The following SLC24A3 variants were observed in gnomAD, a reference collection of about 807,000 sequenced individuals.
SLC24A3 encodes solute carrier family 24 member 3.
A neutral mutation model predicts 75.8 loss-of-function variants in SLC24A3; 28 were observed. The ratio of observed to expected loss-of-function variants is 0.37; its 90% CI spans 0.27 to 0.51. SLC24A3 has a LOEUF of 0.51. Ranked by LOEUF, SLC24A3 falls within the 20% of genes least tolerant of loss-of-function variation. The probability of loss-of-function intolerance (pLI) is 0.94; values close to 1 mark genes in which losing one functional copy is unlikely to be tolerated. For missense variants in SLC24A3, 663 were observed against 847.8 expected (o/e 0.78, Z 2.71); for synonymous variants, 372 against 334.1 (o/e 1.11, Z -1.24).
chr20:19,636,572 C>T (rs1300086261), intron 6 of SLC24A3, among the ~76,000 whole-genome samples: 2 of 152,170 alleles, frequency 1.3e-5, no homozygotes, highest in Non-Finnish European at 2.9e-5. Flanking sequence ...TTTATTTTGG[C>T]TTTTGAGCCT....
chr20:19,346,077 A>ATGGTG (rs201204507), intron 2 of SLC24A3, among the ~76,000 whole-genome samples: 2 of 60,300 alleles, frequency 3.3e-5, no homozygotes, highest in Admixed American at 2.0e-4. Context: ...ATATATATAT[A>ATGGTG]TATATATATA....
intron 3 of SLC24A3, among the ~76,000 whole-genome samples, chr20:19,542,049 A>T (rs146233380): frequency 7.2e-5 from 11 of 152,292 alleles, no homozygotes; most frequent in Non-Finnish European, 1.6e-4. Flanking sequence ...TATCAAATCA[A>T]ATGAAGGGGG....
In SLC24A3 at chr20:19,705,096, A is replaced by G. The variant is rs577441870; in HGVS notation, c.1719+6416A>G. On this transcript the variant is annotated intron_variant, in intron 15 of 16. Transcript: ENST00000328041. ...CCATCCCTGAGTTTGAATCTTTGCT[A>G]AAAGACAGGGCAGGGTCTGCTTATT... 2.6e-4 allele frequency among the ~76,000 whole-genome samples: 39 copies of G among 152,320 alleles called. No individual in the cohort carries two copies. In the South Asian group the frequency reaches 3.1e-3, roughly 12 times the overall value.
intron 7 of SLC24A3, 67 bp downstream of exon 7, chr20:19,654,203 C>T (rs1236393183): frequency 6.8e-7 from 1 of 1,461,002 alleles, no homozygotes; most frequent in South Asian, 1.2e-5. Context: ...GTGTGAGGCT[C>T]CTCCACATGG....
intron 2 of SLC24A3, among the ~76,000 whole-genome samples, chr20:19,325,244 G>A (rs940604337): frequency 5.9e-5 from 9 of 151,474 alleles, no homozygotes; most frequent in African/African-American, 2.2e-4. Context: ...GAAACATGGT[G>A]AGACCTTGTC....
intron 8 of SLC24A3, among the ~76,000 whole-genome samples, chr20:19,672,431 C>T (rs1156482648): frequency 6.6e-6 from 1 of 152,120 alleles, no homozygotes; most frequent in African/African-American, 2.4e-5. Flanking sequence ...ATCTCCTGAG[C>T]TCAAGCAATC....
At chr20:19,685,028 C>A (rs1024569599) in intron 11 of SLC24A3, 72 bp from the exon 12 acceptor site, 1 of 1,507,576 alleles carries the variant, frequency 6.6e-7, no homozygotes, top group Non-Finnish European at 8.9e-7. Flanking sequence ...AAGATCCCAA[C>A]AGCTCATGTT....
rs142562338 is a variant in SLC24A3 at position 19,279,653 on chromosome 20, C to T, written c.143-1306C>T. 1.2e-4 allele frequency among the ~76,000 whole-genome samples: 18 copies of T among 152,290 alleles called. No individual in the cohort carries two copies. The East Asian group carries it at 3.3e-3, about 28-fold the overall frequency. Reference sequence around the variant, plus strand: ...TTCCATTCCTTCTCCCTGGTGCCCCCTCTTCTCCACCGGGAGACCCCATTC... The same window carrying T: ...TTCCATTCCTTCTCCCTGGTGCCCCTTCTTCTCCACCGGGAGACCCCATTC... On this transcript the variant is annotated intron_variant, in intron 1 of 16. Transcript: ENST00000328041.
At chr20:19,246,020 T>C (rs1483721046) in intron 1 of SLC24A3, among the ~76,000 whole-genome samples, 3 of 152,150 alleles carry the variant, frequency 2.0e-5, no homozygotes, top group Non-Finnish European at 4.4e-5. Context: ...CTCTCAACAA[T>C]ATAGCATAAT....
intron 8 of SLC24A3, among the ~76,000 whole-genome samples, chr20:19,667,816 C>T (rs2032417408): frequency 6.6e-6 from 1 of 152,180 alleles, no homozygotes; most frequent in East Asian, 1.9e-4. Flanking sequence ...TCTATTTCAT[C>T]TTCATTCCTA....
intron 2 of SLC24A3, among the ~76,000 whole-genome samples, chr20:19,318,024 C>G (rs149858390): frequency 6.2e-4 from 94 of 152,300 alleles, no homozygotes; most frequent in Non-Finnish European, 1.2e-3. Flanking sequence ...GCATGGCAGG[C>G]TGGAAATGTC....
intron 3 of SLC24A3, among the ~76,000 whole-genome samples, chr20:19,519,080 C>T (rs898885195): frequency 2.0e-5 from 3 of 152,186 alleles, no homozygotes; most frequent in Non-Finnish European, 4.4e-5. Flanking sequence ...GGGTTCACTG[C>T]TCGTAGTCAT....
intron 6 of SLC24A3, among the ~76,000 whole-genome samples, chr20:19,638,858 C>G (rs917832547): frequency 1.3e-5 from 2 of 152,082 alleles, no homozygotes; most frequent in Non-Finnish European, 2.9e-5. Flanking sequence ...CCAGTGGGCT[C>G]GTGGGCTTGC....
intron 6 of SLC24A3, among the ~76,000 whole-genome samples, chr20:19,618,000 T>A (rs1331670487): frequency 6.6e-6 from 1 of 152,110 alleles, no homozygotes; most frequent in African/African-American, 2.4e-5. Flanking sequence ...TTTTTTGTTT[T>A]TTTTTTCCTT....
At chr20:19,658,905 T>A (rs1228338750) in intron 7 of SLC24A3, among the ~76,000 whole-genome samples, 1 of 152,216 alleles carries the variant, frequency 6.6e-6, no homozygotes, top group Non-Finnish European at 1.5e-5. Context: ...TCCTGTCTTT[T>A]CTCCAAATTC....
At chr20:19,403,789 T>C (rs1338976785) in intron 2 of SLC24A3, among the ~76,000 whole-genome samples, 1 of 152,176 alleles carries the variant, frequency 6.6e-6, no homozygotes, top group Non-Finnish European at 1.5e-5. Context: ...TCAGGAATCA[T>C]AAGAATGCAG....
rs536102107 is a variant in SLC24A3 at position 19,720,938 on chromosome 20, C to T, written c.1786-53C>T. 1,285 of 1,602,836 alleles carry T rather than the reference C, an allele frequency of 8.0e-4. 8 individuals carry two copies. In the Admixed American group the frequency reaches 9.7e-3, roughly 12 times the overall value. On this transcript the variant is annotated intron_variant, in intron 16 of 16. Transcript: ENST00000328041. ...CCCCTGGGTTCCCCTACCAACCCCC[C>T]AAAGGCTGCTGCCTCCTCCTGGTGC...
chr20:19,671,644 T>TG (rs1400798029), intron 8 of SLC24A3, among the ~76,000 whole-genome samples: 1 of 103,446 alleles, frequency 9.7e-6, no homozygotes, highest in Non-Finnish European at 2.2e-5. Flanking sequence ...TGGTTTTTTT[T>TG]TTGTTTTTTT....
At chr20:19,456,060 A>C (rs1987572580) in intron 2 of SLC24A3, among the ~76,000 whole-genome samples, 1 of 152,192 alleles carries the variant, frequency 6.6e-6, no homozygotes, top group Non-Finnish European at 1.5e-5. Context: ...CAGGCAGTGA[A>C]ATCTCCACAA....
Sources: gnomAD v4.1 joint callset for allele counts (sites outside exome capture counted in the v4.1 genomes callset) on GRCh38, gnomAD v4.1.1 for gene constraint, MANE v1.5 for transcripts, NCBI Gene and HGNC (gene_info 2026-07-23, HGNC 2026-07-21) for gene names.